The following GRIN2D variants were observed in gnomAD, a reference collection of about 807,000 sequenced individuals.
GRIN2D encodes the protein glutamate receptor ionotropic, NMDA 2D.
In GRIN2D, 37 loss-of-function variants were observed where a neutral mutation model predicts 103.2. That is an observed-to-expected ratio of 0.36 (90% confidence interval 0.28 to 0.47). The LOEUF is 0.47. Ranked by LOEUF, GRIN2D falls within the 20% of genes least tolerant of loss-of-function variation. GRIN2D has a pLI of 1.00. For synonymous variants in GRIN2D, 845 were observed against 885.6 expected, an observed-to-expected ratio of 0.95 and a Z score of 0.81; for missense variants, 1,557 against 1,910.6, an observed-to-expected ratio of 0.81 and a Z score of 3.45.
At chr19:48,426,291 T>C (rs1971087374) in intron 11 of GRIN2D, among the ~76,000 whole-genome samples, 1 of 148,464 alleles carries the variant, frequency 6.7e-6, no homozygotes, top group Non-Finnish European at 1.5e-5. Flanking sequence ...AGTTGCGCGA[T>C]CTCGGCTCAC....
rs974624784 is a variant in GRIN2D, at chr19:48,443,593, C to T, written c.3667C>T (p.Arg1223Trp). 1.7e-6 allele frequency: 2 copies of T among 1,164,540 alleles called. No homozygotes were observed. Among genetic ancestry groups the T allele is most frequent in the African/African-American group, 1.6e-5 (1 of 61,218 alleles). 72.1% of individuals were successfully genotyped at this position (1,164,540 alleles called of 1,614,324 possible). The change falls in exon 14 of 14, where the codon CGG becomes TGG. Residue 1223 changes from arginine to tryptophan, a missense_variant. Arg to Trp is a moderately radical substitution (Grantham distance 101). Transcript: ENST00000263269. This position sits in a 1 kb window ranked among gnomAD's most constrained non-coding sequence, Gnocchi z 8.9. ...PWAAGPLPRR[R>W]ARCGCPRSHP... ...GGCCGCCGGGCCCCTGCCCCGACGC[C>T]GGGCCCGCTGCGGGTGCCCGCGGTC...
At chr19:48,436,901 C>T (rs971165493) in intron 11 of GRIN2D, among the ~76,000 whole-genome samples, 4 of 152,070 alleles carry the variant, frequency 2.6e-5, no homozygotes, top group Non-Finnish European at 4.4e-5. Flanking sequence ...TCAGGTGGCA[C>T]AGGGCCTCTA....
At chr19:48,423,763 G>A (rs10415580) in intron 11 of GRIN2D, among the ~76,000 whole-genome samples, 15,041 of 152,094 alleles carry the variant, frequency 0.099, 1,964 homozygotes, top group African/African-American at 0.3. Flanking sequence ...TGCTAAAGGC[G>A]GTGAGAAGCC....
chr19:48,420,703 G>A (rs1391291009), intron 10 of GRIN2D, among the ~76,000 whole-genome samples: 1 of 152,030 alleles, frequency 6.6e-6, no homozygotes, highest in Non-Finnish European at 1.5e-5. Context: ...GTGGGTGCCT[G>A]TAGTCCCAGC....
rs1191294625 is a variant in GRIN2D, at chr19:48,405,647, C to A, written c.1085+294C>A. On this transcript the variant is annotated intron_variant, in intron 4 of 13. Coordinates refer to ENST00000263269, the MANE Select transcript of GRIN2D (RefSeq NM_000836.4). This position sits in a 1 kb window ranked among gnomAD's most constrained non-coding sequence, Gnocchi z 5.1. Reference sequence around the variant, plus strand: ...TCTTATAATTGATGACTTATCATGGCTTAATTGGCAGCACTTTTGTCTTTC... The same window carrying A: ...TCTTATAATTGATGACTTATCATGGATTAATTGGCAGCACTTTTGTCTTTC... 6.6e-6 allele frequency among the ~76,000 whole-genome samples: 1 copy of A among 152,194 alleles called. No individual in the cohort carries two copies. The highest frequency in any genetic ancestry group is 1.9e-4 in the East Asian group (1 of 5,204).
At chr19:48,427,760 C>A (rs940554015) in intron 11 of GRIN2D, among the ~76,000 whole-genome samples, 5 of 151,964 alleles carry the variant, frequency 3.3e-5, no homozygotes, top group African/African-American at 1.2e-4. Flanking sequence ...GGATTACAGG[C>A]GTGAGCCACC....
intron 11 of GRIN2D, among the ~76,000 whole-genome samples, chr19:48,426,473 G>T (rs543473477): frequency 6.6e-6 from 1 of 151,462 alleles, no homozygotes; most frequent in Non-Finnish European, 1.5e-5. Context: ...TGATCCAACC[G>T]CCTTGGCCTC....
At chr19:48,441,382 AAAAG>A (rs1555894965) in intron 11 of GRIN2D, among the ~76,000 whole-genome samples, 3 of 105,946 alleles carry the variant, frequency 2.8e-5, no homozygotes, top group African/African-American at 9.9e-5. Flanking sequence ...AAAAAAAAAA[AAAAG>A]AAAGAAAAAG....
chr19:48,414,623 C>T lies in GRIN2D; in HGVS notation c.1412+39C>T, dbSNP rs1970919181. 1 of 1,530,240 alleles carries T rather than the reference C, an allele frequency of 6.5e-7. No homozygotes were observed. The highest frequency in any genetic ancestry group is 1.2e-5 in the South Asian group (1 of 83,756). 94.8% of individuals were successfully genotyped at this position (1,530,240 alleles called of 1,614,324 possible). A position where few individuals can be genotyped will look rare whatever the true frequency, so the allele number is the denominator to read the frequency against. On this transcript the variant is annotated intron_variant, in intron 6 of 13. Coordinates refer to ENST00000263269, the MANE Select transcript of GRIN2D (RefSeq NM_000836.4). The surrounding 1 kb of genome is among the most constrained non-coding windows in gnomAD (Gnocchi z 4.6). ...ATCCAGGAGTTCCGGCTCCAAAACCCGCCTCCCGTGAAGCCCAGTAGTCTG... is the reference window on the plus strand; with the variant it reads ...ATCCAGGAGTTCCGGCTCCAAAACCTGCCTCCCGTGAAGCCCAGTAGTCTG...
chr19:48,395,069 A>C (rs1356940598), intron 2 of GRIN2D, 133 bp downstream of exon 2: 1 of 152,112 alleles, frequency 6.6e-6, no homozygotes, highest in Non-Finnish European at 1.5e-5. Context: ...ACCCCCACCT[A>C]GCTCCCCTGT....
rs778209677 is a variant in GRIN2D, at chr19:48,419,269, G to A, written c.1771G>A (p.Val591Ile). Residue 591 changes from valine (V) to isoleucine (I), a missense_variant, in exon 9 of 14, where the codon GTC becomes ATC. Transcript: ENST00000263269. ...YSPAVWVMMF[V>I]MCLTVVAVTV... Reference sequence around the variant, plus strand: ...CCCCGCCGTGTGGGTGATGATGTTCGTCATGTGCCTCACTGTGGTCGCCGT... The same window carrying A: ...CCCCGCCGTGTGGGTGATGATGTTCATCATGTGCCTCACTGTGGTCGCCGT... The A allele has an allele frequency of 1.2e-6, 2 of 1,611,356 alleles. No individual in the cohort carries two copies. Among genetic ancestry groups the A allele is most frequent in the Non-Finnish European group, 1.7e-6 (2 of 1,179,550 alleles).
At position 48,414,860 on chromosome 19, in the gene GRIN2D, G is replaced by A. The variant is rs764922241; in HGVS notation, c.1413-4G>A. On this transcript the variant is annotated splice_region_variant and splice_polypyrimidine_tract_variant and intron_variant, in intron 6 of 13. Transcript: ENST00000263269. This position sits in a 1 kb window ranked among gnomAD's most constrained non-coding sequence, Gnocchi z 4.6. ...AACTCCCCAAGCCTGGTCACTGCCC[G>A]CAGCCCTCCACCGGATGCCCCCCGC... The A allele has an allele frequency of 7.4e-6, 12 of 1,613,756 alleles. No individual in the cohort carries two copies. The African/African-American group carries it at 1.2e-4, about 16-fold the overall frequency.
chr19:48,431,811 C>T (rs1971159442), intron 11 of GRIN2D, among the ~76,000 whole-genome samples: 1 of 152,162 alleles, frequency 6.6e-6, no homozygotes, highest in Admixed American at 6.6e-5. Flanking sequence ...TTGCAAACTT[C>T]TGACCTCAGG....
rs142223339 is a variant in GRIN2D at position 48,416,555 on chromosome 19, G to A, written c.1735+400G>A. 4.7e-4 allele frequency among the ~76,000 whole-genome samples: 72 copies of A among 152,246 alleles called. No individual in the cohort carries two copies. The East Asian group carries it at 0.013, about 28-fold the overall frequency. On this transcript the variant is annotated intron_variant, in intron 8 of 13. Coordinates refer to ENST00000263269, the MANE Select transcript of GRIN2D (RefSeq NM_000836.4). The stretch of plus-strand genomic sequence containing the variant: ...GGTATGAGATGAAGAGAACAAATTA[G>A]CATGGTACCAATACCTTGTAAGCAC...
Position 48,438,287 on chromosome 19 carries a change from C to CT in GRIN2D, c.2253-3453dup, listed in dbSNP as rs71181697. Among the ~76,000 whole-genome samples the CT allele has an allele frequency of 8.3e-3, 481 of 57,742 alleles. 79 individuals are homozygous for CT. The highest frequency in any genetic ancestry group is 0.026 in the African/African-American group (345 of 13,216). The allele number at this position is 57,742 out of a possible 152,430, so 37.9% of individuals were successfully genotyped here. On this transcript the variant is annotated intron_variant, in intron 11 of 13. Transcript: ENST00000263269. ...TCTCTTCAACTCAGCATCCAGCCGC[C>CT]TTTTTTTTTTTTTTTTTTTTTTTTT...
intron 11 of GRIN2D, among the ~76,000 whole-genome samples, chr19:48,428,880 T>C (rs980464331): frequency 1.3e-5 from 2 of 152,136 alleles, no homozygotes; most frequent in Non-Finnish European, 2.9e-5. Flanking sequence ...ATTGGAAACA[T>C]GAGGAGCAGC....
chr19:48,395,295 C>A (rs276715), intron 2 of GRIN2D, among the ~76,000 whole-genome samples: 205 of 150,334 alleles, frequency 1.4e-3, no homozygotes, highest in African/African-American at 4.7e-3. Context: ...CATCGCGAGC[C>A]GGTCCTCTCC....
At chr19:48,437,140 G>A (rs1215408359) in intron 11 of GRIN2D, among the ~76,000 whole-genome samples, 7 of 151,934 alleles carry the variant, frequency 4.6e-5, no homozygotes, top group Non-Finnish European at 7.4e-5. Context: ...TTTTGTTTTC[G>A]AGACAGGGTC....
chr19:48,400,801 C>T (rs892550592), intron 3 of GRIN2D, among the ~76,000 whole-genome samples: 1 of 152,142 alleles, frequency 6.6e-6, no homozygotes, highest in Non-Finnish European at 1.5e-5. Flanking sequence ...TGCACTGGCT[C>T]ACACCTGTAA....
Sources: gnomAD v4.1 joint callset for allele counts (sites outside exome capture counted in the v4.1 genomes callset) on GRCh38, gnomAD v4.1.1 for gene constraint, Gnocchi (gnomAD v3.1) non-coding constraint, MANE v1.5 for transcripts, NCBI Gene and HGNC (gene_info 2026-07-23, HGNC 2026-07-21) for gene names.